GFRA2: variants seen among roughly 807,000 people sequenced by gnomAD.
GFRA2 encodes GDNF family receptor alpha-2.
Under a neutral mutation model 48.3 loss-of-function variants are expected in GFRA2, and 17 were observed. The ratio of observed to expected loss-of-function variants is 0.35; its 90% CI spans 0.24 to 0.53. The LOEUF (loss-of-function observed/expected upper bound fraction) is 0.53. Ranked by LOEUF, GFRA2 falls within the 20% of genes least tolerant of loss-of-function variation. The probability of loss-of-function intolerance (pLI) is 0.93; values close to 1 mark genes in which losing one functional copy is unlikely to be tolerated. For synonymous variants in GFRA2, 305 were observed against 257.2 expected (o/e 1.19, Z -1.78); for missense variants, 660 against 637.3 (o/e 1.04, Z -0.38).
chr8:21,743,180 G>A (rs1404462033), intron 4 of GFRA2, among the ~76,000 whole-genome samples: 2 of 152,132 alleles, frequency 1.3e-5, no homozygotes, highest in Non-Finnish European at 1.5e-5. Flanking sequence ...GATCCCCAAG[G>A]GGAAACTGGA....
At chr8:21,725,715 C>T (rs967423492) in intron 4 of GFRA2, among the ~76,000 whole-genome samples, 1 of 152,194 alleles carries the variant, frequency 6.6e-6, no homozygotes, top group Non-Finnish European at 1.5e-5. Context: ...AGACTTAGAA[C>T]AATTAAATGA....
At chr8:21,706,442 G>C (rs958062678) in intron 4 of GFRA2, 2 of 461,262 alleles carry the variant, frequency 4.3e-6, no homozygotes, top group Non-Finnish European at 8.7e-6. Flanking sequence ...GCCTGCCCAA[G>C]TCCTTCAACC....
chr8:21,696,974 A>C (rs1183090097), intron 7 of GFRA2, among the ~76,000 whole-genome samples: 2 of 135,110 alleles, frequency 1.5e-5, no homozygotes, highest in African/African-American at 5.6e-5. Context: ...GGGAAGGGAC[A>C]AAGGAGAGGG....
At chr8:21,757,884 T>A (rs528935349) in intron 3 of GFRA2, among the ~76,000 whole-genome samples, 1 of 152,354 alleles carries the variant, frequency 6.6e-6, no homozygotes, top group East Asian at 1.9e-4. Flanking sequence ...TATCTAGATT[T>A]ATCCTAAATG....
chr8:21,696,746 T>C (rs1181118571), intron 7 of GFRA2, among the ~76,000 whole-genome samples: 2 of 151,520 alleles, frequency 1.3e-5, no homozygotes, highest in African/African-American at 4.9e-5. Flanking sequence ...TCCTCTTAAA[T>C]AGGATAGAGT....
chr8:21,758,804 C>T (rs1260757934), intron 3 of GFRA2, among the ~76,000 whole-genome samples: 5 of 152,030 alleles, frequency 3.3e-5, no homozygotes, highest in African/African-American at 4.8e-5. Context: ...TCCTTTGAGC[C>T]GGAGCCACAG....
At chr8:21,763,826 C>G (rs1320381709) in intron 3 of GFRA2, among the ~76,000 whole-genome samples, 1 of 151,796 alleles carries the variant, frequency 6.6e-6, no homozygotes, top group African/African-American at 2.4e-5. Context: ...CTGCATGAAA[C>G]CCCCTGAGCT....
intron 3 of GFRA2, among the ~76,000 whole-genome samples, chr8:21,771,680 G>A (rs1003855077): frequency 1.3e-5 from 2 of 152,144 alleles, no homozygotes; most frequent in Non-Finnish European, 2.9e-5. Flanking sequence ...CTATAACAGG[G>A]CCCTGAATTC....
intron 2 of GFRA2, among the ~76,000 whole-genome samples, chr8:21,803,461 G>T (rs1563272334): frequency 6.6e-6 from 1 of 152,084 alleles, no homozygotes; most frequent in Non-Finnish European, 1.5e-5. Context: ...AGTCCTTTAG[G>T]GAACTCTGAG....
intron 3 of GFRA2, among the ~76,000 whole-genome samples, chr8:21,762,336 CA>C (rs1167148936): frequency 6.6e-6 from 1 of 152,188 alleles, no homozygotes; most frequent in Non-Finnish European, 1.5e-5. Context: ...AGTTGTCAAT[CA>C]AAGCCCAAGG....
intron 2 of GFRA2, among the ~76,000 whole-genome samples, chr8:21,804,851 T>C (rs1807831389): frequency 6.6e-6 from 1 of 152,114 alleles, no homozygotes; most frequent in African/African-American, 2.4e-5. Context: ...CCTACTGCCC[T>C]TTCTCCCCTG....
At chr8:21,793,997 G>A (rs1807624274) in intron 2 of GFRA2, among the ~76,000 whole-genome samples, 1 of 151,158 alleles carries the variant, frequency 6.6e-6, no homozygotes. Context: ...CCTAGTTGCT[G>A]AGACTACAGG....
upstream of GFRA2, among the ~76,000 whole-genome samples, chr8:21,789,500 G>A (rs1807468695): frequency 6.6e-6 from 1 of 151,956 alleles, no homozygotes; most frequent in African/African-American, 2.4e-5. Context: ...GGGTCTGAGG[G>A]GGGCTCCACC....
chr8:21,720,923 T>A (rs1294541057), intron 4 of GFRA2, among the ~76,000 whole-genome samples: 1 of 150,842 alleles, frequency 6.6e-6, no homozygotes, highest in East Asian at 2.0e-4. Flanking sequence ...AAAACTTCAG[T>A]GCCCAAAGAA....
chr8:21,806,215 A>T (rs1417002380), intron 1 of GFRA2, among the ~76,000 whole-genome samples: 1 of 152,200 alleles, frequency 6.6e-6, no homozygotes, highest in Non-Finnish European at 1.5e-5. Context: ...TGATGGTTCA[A>T]CTTTCGATTT....
intron 4 of GFRA2, among the ~76,000 whole-genome samples, chr8:21,741,920 C>CA (rs74424608): frequency 0.015 from 1,573 of 105,046 alleles, 13 homozygotes; most frequent in African/African-American, 0.021. Flanking sequence ...GACTCCATCT[C>CA]AAAAAAAAAA....
intron 2 of GFRA2, among the ~76,000 whole-genome samples, chr8:21,800,746 G>A (rs1314873754): frequency 1.3e-5 from 2 of 152,154 alleles, no homozygotes; most frequent in African/African-American, 2.4e-5. Flanking sequence ...GCAACACGGT[G>A]AGACCCCATC....
At position 21,750,850 on chromosome 8, in the gene GFRA2, G is replaced by A. The variant is rs1423639402; in HGVS notation, c.532C>T (p.Arg178Cys). The change falls in exon 4 of 9, where the codon CGC becomes TGC. Residue 178 changes from arginine (R) to cysteine (C), a missense_variant. Transcript: ENST00000524240. The surrounding 1 kb of genome is among the most constrained non-coding windows in gnomAD (Gnocchi z 5.7). ...TTGCAGATGGAGATGTAGGAGGAGC[G>A]CAGCTTCTTGCAGTTGTCATTCAGG... ...CNLNDNCKKLRSSYISICNRE... is the reference protein window; with the variant it reads ...CNLNDNCKKLCSSYISICNRE... 6 of 1,613,768 alleles carry A rather than the reference G, an allele frequency of 3.7e-6. No individual in the cohort carries two copies. The highest frequency in any genetic ancestry group is 2.2e-5 in the South Asian group (2 of 91,092).
chr8:21,701,311 G>T (rs970952280), intron 7 of GFRA2, among the ~76,000 whole-genome samples: 1 of 152,182 alleles, frequency 6.6e-6, no homozygotes, highest in African/African-American at 2.4e-5. Flanking sequence ...GGAGAATGGC[G>T]TGAACCCAGG....
Sources: gnomAD v4.1 joint callset for allele counts (sites outside exome capture counted in the v4.1 genomes callset) on GRCh38, gnomAD v4.1.1 for gene constraint, Gnocchi (gnomAD v3.1) non-coding constraint, MANE v1.5 for transcripts, NCBI Gene and HGNC (gene_info 2026-07-23, HGNC 2026-07-21) for gene names.